The following SACM1L variants were observed in gnomAD, a reference collection of about 807,000 sequenced individuals.
SACM1L encodes the protein SAC1 like phosphatidylinositide phosphatase, also known as phosphatidylinositol-3-phosphatase SAC1.
In SACM1L, 32 loss-of-function variants were observed where a neutral mutation model predicts 89.5. The ratio of observed to expected loss-of-function variants is 0.36; its 90% CI spans 0.27 to 0.48. The LOEUF is 0.48. Among genes scored for constraint, SACM1L ranks in the 20% least tolerant of loss-of-function variants. The pLI, the probability that SACM1L is intolerant of heterozygous loss-of-function variation, is 0.99. For missense variants in SACM1L, 543 were observed against 708.5 expected, an observed-to-expected ratio of 0.77 and a Z score of 2.65; for synonymous variants, 213 against 232.8, an observed-to-expected ratio of 0.92 and a Z score of 0.77.
rs772163087 is a variant in SACM1L, at chr3:45,739,633, T to C, written c.1616T>C (p.Leu539Ser). ...GCCTTTTCAATGTGCATTATCTGTT[T>C]GCTTATGGCTGGTAAGTCTGCTCCA... is the stretch of plus-strand genomic sequence containing the variant. ...VVAFSMCIIC[L>S]LMAGDTWTET... Residue 539 changes from leucine (L) to serine (S), a missense_variant, in exon 19 of 20, where the codon TTG becomes TCG. Leu to Ser is a moderately radical substitution (Grantham distance 145). Around this residue, in one of 2 missense-constraint regions of SACM1L, gnomAD observed 370 missense variants for 527.6 expected, o/e 0.70. Transcript: ENST00000389061. The C allele has an allele frequency of 1.9e-6, 3 of 1,614,096 alleles. No individual in the cohort carries two copies. The highest frequency in any genetic ancestry group is 2.5e-6 in the Non-Finnish European group (3 of 1,179,962).
chr3:45,695,997 CTTTT>C (rs56074379), intron 1 of SACM1L, among the ~76,000 whole-genome samples: 4,071 of 134,190 alleles, frequency 0.03, 160 homozygotes, highest in African/African-American at 0.1. Flanking sequence ...TCAGAATTTC[CTTTT>C]TTTTTTTTTT....
At chr3:45,737,507 G>A in intron 14 of SACM1L, 76 bp from the exon 15 acceptor site, 1 of 1,394,364 alleles carries the variant, frequency 7.2e-7, no homozygotes. Context: ...ATAAAATTTG[G>A]GGACTGCTTT....
chr3:45,703,250 G>C (rs907681126), intron 1 of SACM1L, among the ~76,000 whole-genome samples, 188 bp from the exon 2 acceptor site: 1 of 152,044 alleles, frequency 6.6e-6, no homozygotes, highest in Non-Finnish European at 1.5e-5. Flanking sequence ...TCAAAACCTA[G>C]TCAGCATCAA....
intron 10 of SACM1L, 102 bp downstream of exon 10, chr3:45,723,057 A>C: frequency 1.1e-6 from 1 of 939,782 alleles, no homozygotes; most frequent in Non-Finnish European, 1.6e-6. Flanking sequence ...ATCAATGTTC[A>C]ACATCTTTGA....
intron 19 of SACM1L, 196 bp downstream of exon 19, chr3:45,739,840 T>C: frequency 1.6e-6 from 1 of 613,424 alleles, no homozygotes; most frequent in Non-Finnish European, 2.9e-6. Context: ...TTGTCGTTTT[T>C]TTTAACCTCA....
chr3:45,699,070 C>G (rs1698198609), intron 1 of SACM1L, among the ~76,000 whole-genome samples: 1 of 152,154 alleles, frequency 6.6e-6, no homozygotes, highest in African/African-American at 2.4e-5. Flanking sequence ...TGCGCCTGGC[C>G]TGTAATACAG....
intron 2 of SACM1L, 32 bp downstream of exon 2, chr3:45,703,567 A>G (rs762239233): frequency 7.0e-7 from 1 of 1,426,208 alleles, no homozygotes; most frequent in African/African-American, 1.4e-5. Context: ...AAGTTTAGGG[A>G]GAAAGATTTT....
At chr3:45,696,414 G>T (rs1698129428) in intron 1 of SACM1L, among the ~76,000 whole-genome samples, 1 of 152,176 alleles carries the variant, frequency 6.6e-6, no homozygotes, top group Admixed American at 6.5e-5. Context: ...TGTGAGTAAT[G>T]CCAGTATGAA....
intron 3 of SACM1L, among the ~76,000 whole-genome samples, chr3:45,705,638 G>T (rs1275050122): frequency 6.6e-6 from 1 of 151,814 alleles, no homozygotes; most frequent in Non-Finnish European, 1.5e-5. Flanking sequence ...GAGTAGCTGG[G>T]ATTACAGGTG....
At chr3:45,714,166 C>T in intron 7 of SACM1L, 87 bp downstream of exon 7, 4 of 673,808 alleles carry the variant, frequency 5.9e-6, no homozygotes, top group Non-Finnish European at 9.5e-6. Flanking sequence ...GTCTCAAATA[C>T]TCCATAAGGA....
At chr3:45,729,728 T>C (rs374781052) in intron 11 of SACM1L, among the ~76,000 whole-genome samples, 2 of 152,152 alleles carry the variant, frequency 1.3e-5, no homozygotes, top group South Asian at 4.1e-4. Context: ...TTTTCAGGAT[T>C]CCGTTTTTGT....
intron 1 of SACM1L, chr3:45,689,890 C>A (rs1186214233): frequency 1.1e-5 from 3 of 269,826 alleles, no homozygotes; most frequent in Non-Finnish European, 2.1e-5. Context: ...CTTAACGGAC[C>A]TACAGCAGCA....
At chr3:45,725,587 A>G (rs1698899461) in intron 11 of SACM1L, among the ~76,000 whole-genome samples, 1 of 151,524 alleles carries the variant, frequency 6.6e-6, no homozygotes, top group Non-Finnish European at 1.5e-5. Flanking sequence ...TCTTATCTCC[A>G]ATTGATATTT....
At chr3:45,714,943 T>A (rs182795838) in intron 7 of SACM1L, among the ~76,000 whole-genome samples, 47 of 152,354 alleles carry the variant, frequency 3.1e-4, no homozygotes, top group Admixed American at 2.0e-3. Flanking sequence ...TATAAGATTA[T>A]AATACCATAT....
At chr3:45,728,912 C>A (rs780861234) in intron 11 of SACM1L, among the ~76,000 whole-genome samples, 17 of 151,908 alleles carry the variant, frequency 1.1e-4, no homozygotes, top group Non-Finnish European at 2.4e-4. Flanking sequence ...GGCCTCAAGC[C>A]ATCCTCTTGC....
chr3:45,719,315 G>T (rs912318406), intron 7 of SACM1L, among the ~76,000 whole-genome samples, 185 bp from the exon 8 acceptor site: 1 of 152,142 alleles, frequency 6.6e-6, no homozygotes, highest in African/African-American at 2.4e-5. Flanking sequence ...GTGTCATAGG[G>T]TTATTAACTT....
At chr3:45,741,980 T>C (rs2742372) in intron 19 of SACM1L, among the ~76,000 whole-genome samples, 95,756 of 152,060 alleles carry the variant, frequency 0.63, 30,587 homozygotes, top group Non-Finnish European at 0.66. Flanking sequence ...CTCTGCCTTC[T>C]TTCCTGAAAA....
intron 7 of SACM1L, among the ~76,000 whole-genome samples, chr3:45,714,722 G>A (rs1698609228): frequency 6.6e-6 from 1 of 152,174 alleles, no homozygotes; most frequent in Non-Finnish European, 1.5e-5. Context: ...GGAGAAATCA[G>A]AGTACAGATA....
chr3:45,738,712 T>A (rs1699256123), intron 17 of SACM1L, 41 bp downstream of exon 17: 2 of 1,525,246 alleles, frequency 1.3e-6, no homozygotes, highest in Non-Finnish European at 1.8e-6. Context: ...TACGTGGTTG[T>A]ATCTTTGCAT....
Sources: allele counts gnomAD v4.1 joint callset (sites outside exome capture counted in the v4.1 genomes callset), GRCh38; gene constraint gnomAD v4.1.1; regional missense constraint gnomAD v4.1.1; transcripts MANE v1.5; gene names NCBI Gene and HGNC (gene_info 2026-07-23, HGNC 2026-07-21).